Variants in DISC1 observed in about 807,000 individuals in gnomAD.
DISC1 encodes disrupted in schizophrenia 1 protein.
DISC1 carries 57 observed loss-of-function variants against 84.5 expected under a neutral mutation model. The ratio of observed to expected loss-of-function variants is 0.67; its 90% CI spans 0.55 to 0.84. DISC1 has a LOEUF of 0.84. Among genes scored for constraint, DISC1 ranks in the 40% least tolerant of loss-of-function variants. The pLI is 0.00. For synonymous variants in DISC1, 411 were observed against 415.2 expected (o/e 0.99, Z 0.12); for missense variants, 1,000 against 1,057.8 (o/e 0.95, Z 0.76).
chr1:231,634,685 T>C (rs1315761959), intron 1 of DISC1, among the ~76,000 whole-genome samples: 1 of 152,208 alleles, frequency 6.6e-6, no homozygotes, highest in South Asian at 2.1e-4. Context: ...ATTGTGTTTA[T>C]TTATTCATTC....
chr1:231,816,367 A>G (rs1558597752), intron 8 of DISC1, among the ~76,000 whole-genome samples: 1 of 152,148 alleles, frequency 6.6e-6, no homozygotes, highest in Non-Finnish European at 1.5e-5. Context: ...ATTTTCTCCA[A>G]GTCTGTGACT....
chr1:231,832,325 A>C (rs1473172646), intron 9 of DISC1, among the ~76,000 whole-genome samples: 2 of 151,424 alleles, frequency 1.3e-5, no homozygotes, highest in Non-Finnish European at 2.9e-5. Context: ...CTAAAACAGT[A>C]AGGTCAAGTT....
intron 9 of DISC1, among the ~76,000 whole-genome samples, chr1:231,835,023 G>C (rs2082525886): frequency 6.6e-6 from 1 of 152,192 alleles, no homozygotes; most frequent in South Asian, 2.1e-4. Flanking sequence ...TTGAAGTGTG[G>C]CGCCAAGATT....
At chr1:232,026,602 GA>G (rs1669484914) in intron 12 of DISC1, 50 bp downstream of exon 12, 2 of 1,427,866 alleles carry the variant, frequency 1.4e-6, no homozygotes, top group Middle Eastern at 1.8e-4. Context: ...TTTTATAAAA[GA>G]GAGTCTTTAA....
chr1:231,834,066 A>C (rs2082438941), intron 9 of DISC1, among the ~76,000 whole-genome samples: 1 of 152,126 alleles, frequency 6.6e-6, no homozygotes, highest in African/African-American at 2.4e-5. Context: ...AAGAGCCTAA[A>C]CACTATCTGA....
chr1:231,801,857 C>T (rs1349641200), intron 8 of DISC1, among the ~76,000 whole-genome samples: 8 of 148,924 alleles, frequency 5.4e-5, no homozygotes, highest in Admixed American at 1.3e-4. Flanking sequence ...CTCGTTCAGT[C>T]GCCCAGGCTA....
rs2065965167 is a variant in DISC1 at position 231,698,299 on chromosome 1, A to C, written c.1047+3494A>C. Among the ~76,000 whole-genome samples, 1 of 152,200 alleles carries C rather than the reference A, an allele frequency of 6.6e-6. No homozygotes were observed. The highest frequency in any genetic ancestry group is 2.4e-5 in the African/African-American group (1 of 41,452). On this transcript the variant is annotated intron_variant, in intron 2 of 12. Coordinates refer to ENST00000439617, the MANE Select transcript of DISC1 (RefSeq NM_018662.3). This position sits in a 1 kb window ranked among gnomAD's most constrained non-coding sequence, Gnocchi z 4.9. Reference sequence around the variant, plus strand: ...AACTACAGTACTGTGAATAAGGAGAATCGACTGTGAATATTTTATGCTGTT... The same window carrying C: ...AACTACAGTACTGTGAATAAGGAGACTCGACTGTGAATATTTTATGCTGTT...
At chr1:231,997,504 C>T (rs1307448452) in intron 10 of DISC1, among the ~76,000 whole-genome samples, 1 of 152,140 alleles carries the variant, frequency 6.6e-6, no homozygotes, top group African/African-American at 2.4e-5. Context: ...CAGACATGAC[C>T]TTTTCTTCCT....
intron 9 of DISC1, among the ~76,000 whole-genome samples, chr1:231,921,047 C>T (rs1359109835): frequency 6.6e-6 from 1 of 151,726 alleles, no homozygotes; most frequent in Non-Finnish European, 1.5e-5. Context: ...GCTGGGACTA[C>T]AGGCATGCGC....
chr1:231,742,974 T>C (rs1050463335), intron 3 of DISC1, among the ~76,000 whole-genome samples: 1 of 152,234 alleles, frequency 6.6e-6, no homozygotes, highest in African/African-American at 2.4e-5. Context: ...ACATAGCTAA[T>C]CACAGATATT....
At chr1:231,816,879 CTTCT>C (rs1228798543) in intron 8 of DISC1, among the ~76,000 whole-genome samples, 1 of 152,080 alleles carries the variant, frequency 6.6e-6, no homozygotes, top group East Asian at 1.9e-4. Context: ...CTTCCTTCTT[CTTCT>C]TTCTTCCTAT....
chr1:231,989,515 A>G (rs1341339432), intron 10 of DISC1, among the ~76,000 whole-genome samples: 8 of 152,262 alleles, frequency 5.3e-5, no homozygotes, highest in Non-Finnish European at 1.0e-4. Context: ...GCTTCATGTC[A>G]AAATACAGGT....
chr1:231,833,445 T>C (rs1209381723), intron 9 of DISC1, among the ~76,000 whole-genome samples: 3 of 151,652 alleles, frequency 2.0e-5, no homozygotes, highest in Non-Finnish European at 4.4e-5. Context: ...CTAGGGGGCT[T>C]CCAAGGCGAT....
intron 9 of DISC1, among the ~76,000 whole-genome samples, chr1:231,876,580 T>C (rs1437406367): frequency 3.3e-5 from 5 of 152,170 alleles, no homozygotes; most frequent in African/African-American, 1.2e-4. Flanking sequence ...AAGCTTGCCT[T>C]TTGTAGAAAT....
intron 4 of DISC1, among the ~76,000 whole-genome samples, chr1:231,764,790 A>G (rs2076037075): frequency 1.3e-5 from 2 of 152,338 alleles, no homozygotes; most frequent in Middle Eastern, 3.4e-3. Context: ...TTTAAGTCTC[A>G]TTCTTATTCC....
At chr1:231,953,274 T>C (rs1658814589) in intron 9 of DISC1, among the ~76,000 whole-genome samples, 1 of 152,006 alleles carries the variant, frequency 6.6e-6, no homozygotes, top group Admixed American at 6.6e-5. Flanking sequence ...ACTCTCTAGG[T>C]TTTAGGGGTT....
At position 231,897,615 on chromosome 1, in the gene DISC1, T is replaced by C. The variant is rs1280139967; in HGVS notation, c.1982-61213T>C. Among the ~76,000 whole-genome samples, 1 of 152,176 alleles carries C rather than the reference T, an allele frequency of 6.6e-6. No homozygotes were observed. On this transcript the variant is annotated intron_variant, in intron 9 of 12. Transcript: ENST00000439617. This position sits in a 1 kb window ranked among gnomAD's most constrained non-coding sequence, Gnocchi z 4.5. ...AGCCATTTATTGTAGAGTCTGTTGCTTTGGGCTGCTGTCAGTGCTCTGACA... is the reference window on the plus strand; with the variant it reads ...AGCCATTTATTGTAGAGTCTGTTGCCTTGGGCTGCTGTCAGTGCTCTGACA...
rs138009806 is a variant in DISC1 at position 231,637,440 on chromosome 1, A to G, written c.67+10506A>G. Among the ~76,000 whole-genome samples the G allele has an allele frequency of 3.3e-4, 51 of 152,342 alleles. 1 individual carries two copies. The East Asian group carries it at 9.6e-3, about 29-fold the overall frequency. Reference sequence around the variant, plus strand: ...TCAAGTCGGGGCTTTTAGGATGTCCATCACCCAAATAATGTACATTGTACC... The same window carrying G: ...TCAAGTCGGGGCTTTTAGGATGTCCGTCACCCAAATAATGTACATTGTACC... On this transcript the variant is annotated intron_variant, in intron 1 of 12. Coordinates refer to ENST00000439617, the MANE Select transcript of DISC1 (RefSeq NM_018662.3).
chr1:231,733,958 G>A (rs2072090058), intron 3 of DISC1, among the ~76,000 whole-genome samples: 1 of 151,716 alleles, frequency 6.6e-6, no homozygotes. Flanking sequence ...AAGTGGTGGT[G>A]GGGGTAGTAG....
Sources: allele counts gnomAD v4.1 joint callset (sites outside exome capture counted in the v4.1 genomes callset), GRCh38; gene constraint gnomAD v4.1.1; non-coding constraint Gnocchi (gnomAD v3.1); transcripts MANE v1.5; gene names NCBI Gene and HGNC (gene_info 2026-07-23, HGNC 2026-07-21).